The following ADGRA1 variants were observed in gnomAD, a reference collection of about 807,000 sequenced individuals.
ADGRA1 encodes the protein adhesion G protein-coupled receptor A1.
ADGRA1 carries 12 observed loss-of-function variants against 21.3 expected under a neutral mutation model. The ratio of observed to expected loss-of-function variants is 0.56; its 90% CI spans 0.36 to 0.91. The LOEUF is 0.91. Among genes scored for constraint, ADGRA1 ranks in the 40% least tolerant of loss-of-function variants. The pLI is 0.01. For missense variants in ADGRA1, 790 were observed against 805.6 expected, an observed-to-expected ratio of 0.98 and a Z score of 0.23; for synonymous variants, 385 against 368.8, an observed-to-expected ratio of 1.04 and a Z score of -0.50.
intron 5 of ADGRA1, among the ~76,000 whole-genome samples, chr10:133,106,781 C>A (rs1183648349): frequency 6.6e-6 from 1 of 152,258 alleles, no homozygotes; most frequent in Non-Finnish European, 1.5e-5. Flanking sequence ...CAAAGACCCT[C>A]ACAGATAAAG....
rs1852483783 is a variant in ADGRA1, at chr10:133,129,973, G to A, written c.*462G>A. On this transcript the variant is annotated 3_prime_UTR_variant, in exon 7 of 7. Transcript: ENST00000392607. ...GGGCAGGGCCGAGATCGCAGGAGGG[G>A]GCTGCCCTGACCTTTCCCAGTGTTC... 5.7e-6 allele frequency: 1 copy of A among 174,082 alleles called. No homozygotes were observed. The highest frequency in any genetic ancestry group is 5.6e-5 in the Admixed American group (1 of 17,810). The allele number at this position is 174,082 out of a possible 1,614,324, so 10.8% of individuals were successfully genotyped here.
chr10:133,092,422 A>T (rs1851609458), intron 2 of ADGRA1, among the ~76,000 whole-genome samples: 1 of 152,056 alleles, frequency 6.6e-6, no homozygotes, highest in Non-Finnish European at 1.5e-5. Flanking sequence ...TCTCTTCAAA[A>T]CTTCACTAGC....
chr10:133,122,796 A>G (rs1346925042), intron 5 of ADGRA1, among the ~76,000 whole-genome samples: 1 of 145,494 alleles, frequency 6.9e-6, no homozygotes, highest in African/African-American at 2.5e-5. Flanking sequence ...CTCCCGGTTC[A>G]CCAGCCAGGC....
intron 5 of ADGRA1, among the ~76,000 whole-genome samples, chr10:133,117,471 C>T (rs1852181187): frequency 6.6e-6 from 1 of 152,224 alleles, no homozygotes; most frequent in African/African-American, 2.4e-5. Context: ...AGGTCCGGTG[C>T]ACTGTGGACG....
At chr10:133,109,891 A>T (rs748214031) in intron 5 of ADGRA1, among the ~76,000 whole-genome samples, 2 of 152,236 alleles carry the variant, frequency 1.3e-5, no homozygotes, top group Non-Finnish European at 2.9e-5. Context: ...ACTGCCCGTC[A>T]TGCAGTGTCA....
At position 133,129,486 on chromosome 10, in the gene ADGRA1, C is replaced by T; in HGVS notation, c.1658C>T (p.Pro553Leu). 3 of 1,596,846 alleles carry T rather than the reference C, an allele frequency of 1.9e-6. No homozygotes were observed. The highest frequency in any genetic ancestry group is 2.5e-6 in the Non-Finnish European group (3 of 1,178,678). ...GGGACCGGCAACATCCGAACGGGAC[C>T]CTGGAAAAACGAAACTACTGTGTAG... ...TDGTGNIRTGPWKNETTV is the reference protein window; with the variant it reads ...TDGTGNIRTGLWKNETTV The change falls in exon 7 of 7, where the codon CCC (proline) becomes CTC (leucine). Residue 553 changes from proline (P) to leucine (L), a missense_variant. Coordinates refer to ENST00000392607, the MANE Select transcript of ADGRA1 (RefSeq NM_001083909.3).
At chr10:133,117,376 G>A (rs528329383) in intron 5 of ADGRA1, among the ~76,000 whole-genome samples, 100 of 152,314 alleles carry the variant, frequency 6.6e-4, no homozygotes, top group African/African-American at 2.1e-3. Context: ...AAACACCCAC[G>A]GAACAGCCTA....
chr10:133,089,604 C>G (rs1006393904), intron 2 of ADGRA1, among the ~76,000 whole-genome samples: 1 of 152,282 alleles, frequency 6.6e-6, no homozygotes, highest in Admixed American at 6.5e-5. Flanking sequence ...AGCTGACAGG[C>G]GGTGAGGACC....
At chr10:133,088,951 T>G in intron 2 of ADGRA1, 39 bp downstream of exon 2, 1 of 1,238,568 alleles carries the variant, frequency 8.1e-7, no homozygotes, top group Non-Finnish European at 1.0e-6. Flanking sequence ...AGCTGGGGGC[T>G]AGGCCGCTGC....
chr10:133,097,576 C>T (rs1476894503), intron 3 of ADGRA1, among the ~76,000 whole-genome samples: 2 of 152,178 alleles, frequency 1.3e-5, no homozygotes, highest in Admixed American at 6.5e-5. Flanking sequence ...GCCTCGGTCA[C>T]GGACAGAGCT....
intron 5 of ADGRA1, among the ~76,000 whole-genome samples, chr10:133,106,471 C>T (rs1307632107): frequency 3.9e-5 from 6 of 152,244 alleles, no homozygotes; most frequent in Non-Finnish European, 8.8e-5. Flanking sequence ...CCTCTGCTCT[C>T]TTCAGCCCCT....
chr10:133,105,512 C>T (rs957982495), intron 5 of ADGRA1, among the ~76,000 whole-genome samples: 6 of 152,226 alleles, frequency 3.9e-5, no homozygotes, highest in East Asian at 1.9e-4. Flanking sequence ...CCACATGCAA[C>T]GGCCACCTCT....
At chr10:133,093,384 T>C in intron 2 of ADGRA1, 2 of 1,191,172 alleles carry the variant, frequency 1.7e-6, no homozygotes, top group Non-Finnish European at 2.3e-6. Context: ...AGAGGAGACC[T>C]CCAATTAAAA....
chr10:133,117,816 G>T (rs1344912937), intron 5 of ADGRA1, among the ~76,000 whole-genome samples: 1 of 152,218 alleles, frequency 6.6e-6, no homozygotes, highest in Non-Finnish European at 1.5e-5. Flanking sequence ...TTCATTCTGG[G>T]ATCCTGGGAG....
At chr10:133,117,118 G>A (rs577647661) in intron 5 of ADGRA1, among the ~76,000 whole-genome samples, 9 of 152,134 alleles carry the variant, frequency 5.9e-5, no homozygotes, top group Non-Finnish European at 8.8e-5. Context: ...CCAGCTGGTC[G>A]CCAGTATCAG....
intron 5 of ADGRA1, among the ~76,000 whole-genome samples, chr10:133,120,329 T>G (rs1852231044): frequency 6.6e-6 from 1 of 152,112 alleles, no homozygotes; most frequent in Non-Finnish European, 1.5e-5. Context: ...CACTTGAACC[T>G]GGGAGGTGGA....
intron 2 of ADGRA1, among the ~76,000 whole-genome samples, chr10:133,096,363 A>G (rs760436648): frequency 1.3e-5 from 2 of 152,206 alleles, no homozygotes; most frequent in Non-Finnish European, 2.9e-5. Context: ...CACAGAGAAC[A>G]CACATTCCCC....
At chr10:133,095,757 C>T in intron 2 of ADGRA1, 1 of 1,598,628 alleles carries the variant, frequency 6.3e-7, no homozygotes. Context: ...CTCGGGCCCG[C>T]TGGCTGCCTG....
intron 2 of ADGRA1, among the ~76,000 whole-genome samples, chr10:133,094,694 GT>G (rs1161773552): frequency 1.3e-4 from 20 of 152,170 alleles, no homozygotes; most frequent in African/African-American, 4.8e-4. Flanking sequence ...GCGGATCTGG[GT>G]TTGCAACAAT....
Sources: allele counts gnomAD v4.1 joint callset (sites outside exome capture counted in the v4.1 genomes callset), GRCh38; gene constraint gnomAD v4.1.1; transcripts MANE v1.5; gene names NCBI Gene and HGNC (gene_info 2026-07-23, HGNC 2026-07-21).